FGF12: variants seen among roughly 807,000 people sequenced by gnomAD.
FGF12 encodes the protein fibroblast growth factor 12, also known as fibroblast growth factor 12B.
A neutral mutation model predicts 23.6 loss-of-function variants in FGF12; 14 were observed. That is an observed-to-expected ratio of 0.59 (90% CI 0.39 to 0.93). The LOEUF is 0.93. Among genes scored for constraint, FGF12 ranks in the 40% least tolerant of loss-of-function variants. The probability of loss-of-function intolerance (pLI) is 0.00; values close to 1 mark genes in which losing one functional copy is unlikely to be tolerated. For missense variants in FGF12, 175 were observed against 217.8 expected (o/e 0.80, Z 1.24); for synonymous variants, 62 against 77.3 (o/e 0.80, Z 1.04).
chr3:192,404,872 A>C (rs1720901251), intron 2 of FGF12, among the ~76,000 whole-genome samples: 1 of 152,158 alleles, frequency 6.6e-6, no homozygotes, highest in African/African-American at 2.4e-5. Flanking sequence ...CTTCTTCTAC[A>C]AGTTACCTCT....
At chr3:192,593,706 T>C (rs1195978677) in intron 2 of FGF12, among the ~76,000 whole-genome samples, 1 of 151,944 alleles carries the variant, frequency 6.6e-6, no homozygotes, top group Non-Finnish European at 1.5e-5. Context: ...TTCAAAATTA[T>C]TTTTTCTGCG....
rs58052704 is a variant in FGF12, at chr3:192,596,094, AAATATAATAT to A, written c.13+131077_13+131086del. ...GTGACACAGCCAGACCCTGACTCAA[AAATATAATAT>A]AATATAATATAATATAATATAATAT... On this transcript the variant is annotated intron_variant, in intron 2 of 5. Transcript: ENST00000445105. 7.7e-3 allele frequency among the ~76,000 whole-genome samples: 767 copies of A among 99,464 alleles called. 5 individuals carry two copies. The highest frequency in any genetic ancestry group is 0.011 in the Non-Finnish European group (520 of 47,548). The allele number at this position is 99,464 out of a possible 152,430, so 65.3% of individuals were successfully genotyped here.
chr3:192,445,444 T>C (rs527447879), intron 2 of FGF12, among the ~76,000 whole-genome samples: 2 of 152,332 alleles, frequency 1.3e-5, no homozygotes, highest in East Asian at 3.9e-4. Context: ...ACACTATTAC[T>C]AGTTTTTTAT....
chr3:192,168,431 T>C (rs1168280142), intron 5 of FGF12, among the ~76,000 whole-genome samples: 1 of 152,166 alleles, frequency 6.6e-6, no homozygotes, highest in Non-Finnish European at 1.5e-5. Flanking sequence ...ACCTCTCATC[T>C]CAAATTGCAG....
At chr3:192,311,886 C>T (rs1490054201) in intron 4 of FGF12, among the ~76,000 whole-genome samples, 1 of 151,992 alleles carries the variant, frequency 6.6e-6, no homozygotes, top group Non-Finnish European at 1.5e-5. Flanking sequence ...TCCTTGATGG[C>T]TAATGGTGTT....
chr3:192,444,145 TGA>T (rs1722282959), intron 2 of FGF12, among the ~76,000 whole-genome samples: 1 of 152,190 alleles, frequency 6.6e-6, no homozygotes, highest in Non-Finnish European at 1.5e-5. Flanking sequence ...CTGGCCGCCT[TGA>T]GTTCCGTAGC....
At chr3:192,644,816 G>A (rs1439255901) in intron 2 of FGF12, among the ~76,000 whole-genome samples, 3 of 152,114 alleles carry the variant, frequency 2.0e-5, no homozygotes, top group African/African-American at 7.2e-5. Flanking sequence ...TCGCTATCAT[G>A]ATGATTAAAT....
intron 2 of FGF12, among the ~76,000 whole-genome samples, chr3:192,479,618 G>C (rs1053544594): frequency 6.6e-6 from 1 of 152,078 alleles, no homozygotes; most frequent in Admixed American, 6.5e-5. Context: ...TAAGGTGGGG[G>C]AGAAAAATAG....
intron 2 of FGF12, among the ~76,000 whole-genome samples, chr3:192,494,095 T>C (rs1723880334): frequency 6.6e-6 from 1 of 152,208 alleles, no homozygotes; most frequent in Non-Finnish European, 1.5e-5. Flanking sequence ...TACTTTCTAC[T>C]ATTTAGCATA....
chr3:192,174,787 A>G (rs760459604), intron 4 of FGF12, among the ~76,000 whole-genome samples: 1 of 151,730 alleles, frequency 6.6e-6, no homozygotes, highest in African/African-American at 2.4e-5. Context: ...CTCCACACAT[A>G]TTAGCTGTGG....
At chr3:192,596,610 C>A (rs1181969794) in intron 2 of FGF12, among the ~76,000 whole-genome samples, 1 of 152,136 alleles carries the variant, frequency 6.6e-6, no homozygotes, top group East Asian at 1.9e-4. Flanking sequence ...AGCACTTGAT[C>A]TTTAGTCTTG....
At chr3:192,156,892 AT>A (rs1714456619) in intron 5 of FGF12, among the ~76,000 whole-genome samples, 1 of 151,746 alleles carries the variant, frequency 6.6e-6, no homozygotes, top group South Asian at 2.1e-4. Flanking sequence ...TTTTCTTCTT[AT>A]TTTTCCTCTA....
intron 2 of FGF12, among the ~76,000 whole-genome samples, chr3:192,382,862 C>A (rs1719878680): frequency 6.6e-6 from 1 of 152,038 alleles, no homozygotes; most frequent in Non-Finnish European, 1.5e-5. Context: ...AAGTTTTAAG[C>A]ATAAGAATGA....
At chr3:192,348,277 A>G (rs1047134403) in intron 3 of FGF12, among the ~76,000 whole-genome samples, 12 of 152,116 alleles carry the variant, frequency 7.9e-5, no homozygotes, top group African/African-American at 1.2e-4. Context: ...ACTAAGTGCA[A>G]CCTCGCTAGA....
At chr3:192,370,399 C>T (rs1382661279) in intron 2 of FGF12, among the ~76,000 whole-genome samples, 1 of 151,994 alleles carries the variant, frequency 6.6e-6, no homozygotes, top group Admixed American at 6.6e-5. Flanking sequence ...TTGTAATTGC[C>T]AGGCATGGTG....
At chr3:192,335,011 CCCTGAGCCATCCT>C (rs1717323234) in intron 4 of FGF12, among the ~76,000 whole-genome samples, 1 of 152,044 alleles carries the variant, frequency 6.6e-6, no homozygotes, top group Non-Finnish European at 1.5e-5. Flanking sequence ...GAATTTTCCT[CCCTGAGCCATCCT>C]CCATGCTTAA....
chr3:192,393,429 A>C (rs1265481917), intron 2 of FGF12, among the ~76,000 whole-genome samples: 1 of 152,222 alleles, frequency 6.6e-6, no homozygotes, highest in East Asian at 1.9e-4. Context: ...GGTGGCCTCT[A>C]ACTGACTGTT....
At chr3:192,335,971 T>C (rs1717388033) in intron 3 of FGF12, among the ~76,000 whole-genome samples, 1 of 152,066 alleles carries the variant, frequency 6.6e-6, no homozygotes, top group Non-Finnish European at 1.5e-5. Context: ...ACTGACTTAT[T>C]GGTGATAACA....
rs958367144 is a variant in FGF12, at chr3:192,640,411, G to A, written c.13+86770C>T. On this transcript the variant is annotated intron_variant, in intron 2 of 5. Transcript: ENST00000445105. ...ATAAAATAGAAGCCAAAAGCTTGCC[G>A]GGAGAATGTTTTTCACAGGCTAATT... Among the ~76,000 whole-genome samples the A allele has an allele frequency of 5.3e-5, 8 of 152,066 alleles. No individual in the cohort carries two copies. The East Asian group carries it at 5.8e-4, about 11-fold the overall frequency.
Sources: gnomAD v4.1 joint callset for allele counts (sites outside exome capture counted in the v4.1 genomes callset) on GRCh38, gnomAD v4.1.1 for gene constraint, MANE v1.5 for transcripts, NCBI Gene and HGNC (gene_info 2026-07-23, HGNC 2026-07-21) for gene names.